The following CCNY variants were observed in gnomAD, a reference collection of about 807,000 sequenced individuals.
CCNY encodes the protein cyclin Y.
CCNY carries 19 observed loss-of-function variants against 42.8 expected under a neutral mutation model. That is an observed-to-expected ratio of 0.44 (90% CI 0.31 to 0.65). The LOEUF (loss-of-function observed/expected upper bound fraction) is 0.65. Ranked by LOEUF, CCNY falls within the 30% of genes least tolerant of loss-of-function variation. The pLI is 0.07. For missense variants in CCNY, 370 were observed against 437.3 expected (o/e 0.85, Z 1.37); for synonymous variants, 165 against 162.7 (o/e 1.01, Z -0.11).
At chr10:35,482,959 T>C (rs1297651385) in intron 1 of CCNY, among the ~76,000 whole-genome samples, 4 of 149,836 alleles carry the variant, frequency 2.7e-5, no homozygotes, top group Non-Finnish European at 4.4e-5. Flanking sequence ...AGAAAATAAT[T>C]AAGCAGAGTA....
At chr10:35,321,074 C>T (rs1472180355) in intron 3 of CCNY, 2 of 147,158 alleles carry the variant, frequency 1.4e-5, no homozygotes, top group African/African-American at 2.5e-5. Flanking sequence ...TATGATTATA[C>T]CACTGCACTC....
chr10:35,399,064 T>C (rs977660286), intron 1 of CCNY, among the ~76,000 whole-genome samples: 4 of 152,222 alleles, frequency 2.6e-5, no homozygotes, highest in African/African-American at 9.7e-5. Context: ...CAAGCAAATG[T>C]ACAAATGAAC....
intron 8 of CCNY, among the ~76,000 whole-genome samples, chr10:35,555,412 A>G (rs1841343950): frequency 6.6e-6 from 1 of 152,238 alleles, no homozygotes; most frequent in African/African-American, 2.4e-5. Context: ...GGTTGTATTC[A>G]TTGAAGGTTT....
At chr10:35,291,448 A>T (rs1236587476) in intron 3 of CCNY, among the ~76,000 whole-genome samples, 1 of 151,784 alleles carries the variant, frequency 6.6e-6, no homozygotes, top group Admixed American at 6.6e-5. Flanking sequence ...TTATTCACTT[A>T]ATCCTCTGTC....
chr10:35,482,464 G>A (rs1239830744), intron 1 of CCNY, among the ~76,000 whole-genome samples: 2 of 152,072 alleles, frequency 1.3e-5, no homozygotes, highest in Non-Finnish European at 2.9e-5. Context: ...TTTTTAAACT[G>A]GAAAAACTCT....
At chr10:35,485,938 C>T (rs529128540) in intron 2 of CCNY, among the ~76,000 whole-genome samples, 1 of 152,236 alleles carries the variant, frequency 6.6e-6, no homozygotes, top group Non-Finnish European at 1.5e-5. Context: ...CTTGTTTACC[C>T]TCTTATCTTT....
In CCNY at chr10:35,447,379, T is replaced by C. The variant is rs967983617; in HGVS notation, c.155-36025T>C. ...TCATGTTTCAAAAAGACAGGAGGCTTTACTAGCGATAACGTGGTAAGCCAG... is the reference window on the plus strand; with the variant it reads ...TCATGTTTCAAAAAGACAGGAGGCTCTACTAGCGATAACGTGGTAAGCCAG... On this transcript the variant is annotated intron_variant, in intron 1 of 9. Transcript: ENST00000374704. Among the ~76,000 whole-genome samples, 18 of 152,304 alleles carry C rather than the reference T, an allele frequency of 1.2e-4. 2 individuals are homozygous for C. The East Asian group carries it at 3.1e-3, about 26-fold the overall frequency.
chr10:35,387,744 T>G (rs1837328897), intron 1 of CCNY, among the ~76,000 whole-genome samples: 1 of 152,236 alleles, frequency 6.6e-6, no homozygotes, highest in Non-Finnish European at 1.5e-5. Flanking sequence ...CATTTAGTAG[T>G]TAATGTATAG....
At chr10:35,512,724 C>G (rs1279620376) in intron 3 of CCNY, among the ~76,000 whole-genome samples, 1 of 152,066 alleles carries the variant, frequency 6.6e-6, no homozygotes, top group East Asian at 1.9e-4. Context: ...AAGAAAGAGG[C>G]AAGAAGGTTG....
intron 8 of CCNY, among the ~76,000 whole-genome samples, chr10:35,555,853 G>C (rs1197291285): frequency 6.6e-6 from 1 of 152,018 alleles, no homozygotes; most frequent in East Asian, 1.9e-4. Flanking sequence ...CTGTTCTTTT[G>C]ATGGGCAGTC....
chr10:35,557,049 T>A (rs887710936), intron 8 of CCNY, among the ~76,000 whole-genome samples: 1 of 152,160 alleles, frequency 6.6e-6, no homozygotes, highest in Non-Finnish European at 1.5e-5. Flanking sequence ...TTTCACCATG[T>A]TGGCCAGGCT....
chr10:35,290,913 C>T lies in CCNY; in HGVS notation c.-9+40287C>T, dbSNP rs536697288. Among the ~76,000 whole-genome samples, 96 of 152,330 alleles carry T rather than the reference C, an allele frequency of 6.3e-4. 1 individual carries two copies. Among genetic ancestry groups the T allele is most frequent in the South Asian group, 1.7e-3 (8 of 4,830 alleles). On this transcript the variant is annotated intron_variant, in intron 3 of 11. Transcript: ENST00000374706. ...CATTAACAGTCACTCCCATTTACCC[C>T]TAACCTTTCCAGCCCTGGGCACACA...
At chr10:35,364,053 C>G (rs1307794550) in intron 1 of CCNY, among the ~76,000 whole-genome samples, 2 of 152,114 alleles carry the variant, frequency 1.3e-5, no homozygotes, top group African/African-American at 4.8e-5. Context: ...ATATAATTTT[C>G]TAATTCCAGT....
chr10:35,247,894 A>G (rs1395792569), intron 1 of CCNY, among the ~76,000 whole-genome samples: 1 of 151,148 alleles, frequency 6.6e-6, no homozygotes, highest in Non-Finnish European at 1.5e-5. Context: ...AAAAAAAAGA[A>G]AAGAAAAGAA....
At chr10:35,298,617 G>T (rs1835498361) in intron 3 of CCNY, among the ~76,000 whole-genome samples, 1 of 152,114 alleles carries the variant, frequency 6.6e-6, no homozygotes, top group Non-Finnish European at 1.5e-5. Context: ...CTGGGCTCAG[G>T]CACTCTTCCT....
chr10:35,459,509 AT>A (rs1839110438), intron 1 of CCNY, among the ~76,000 whole-genome samples: 1 of 152,220 alleles, frequency 6.6e-6, no homozygotes, highest in African/African-American at 2.4e-5. Flanking sequence ...AAGATTGGAC[AT>A]CCCTTGTGTA....
chr10:35,544,519 A>G (rs1448786821), intron 7 of CCNY, among the ~76,000 whole-genome samples: 2 of 152,188 alleles, frequency 1.3e-5, no homozygotes. Flanking sequence ...TGCCTAATGA[A>G]GCATTTTTCA....
chr10:35,402,197 G>T (rs1283031451), intron 1 of CCNY, among the ~76,000 whole-genome samples: 2 of 152,066 alleles, frequency 1.3e-5, no homozygotes, highest in Non-Finnish European at 2.9e-5. Context: ...AAGATTTTGG[G>T]GTAAGGGGTG....
In CCNY at chr10:35,516,661, C is replaced by CTTT. The variant is rs35268084; in HGVS notation, c.365+63_365+65dup. 6.7e-3 allele frequency: 2,187 copies of CTTT among 326,582 alleles called. 41 individuals are homozygous for CTTT. The highest frequency in any genetic ancestry group is 0.027 in the African/African-American group (545 of 20,270). The allele number at this position is 326,582 out of a possible 1,614,324, so 20.2% of individuals were successfully genotyped here. ...ATTTATTTCCTTCCTTCCTTCCTTCCTTTTTTTTTTTTTTTTTTTTTTTTT... is the reference window on the plus strand; with the variant it reads ...ATTTATTTCCTTCCTTCCTTCCTTCCTTTTTTTTTTTTTTTTTTTTTTTTTTTT... On this transcript the variant is annotated intron_variant, in intron 4 of 9. Coordinates refer to ENST00000374704, the MANE Select transcript of CCNY (RefSeq NM_145012.6).
Sources: gnomAD v4.1 joint callset for allele counts (sites outside exome capture counted in the v4.1 genomes callset) on GRCh38, gnomAD v4.1.1 for gene constraint, MANE v1.5 for transcripts, NCBI Gene and HGNC (gene_info 2026-07-23, HGNC 2026-07-21) for gene names.